Variants in MAN1A2 observed in about 807,000 individuals in gnomAD.
The protein encoded by MAN1A2 is mannosidase alpha class 1A member 2.
A neutral mutation model predicts 75.7 loss-of-function variants in MAN1A2; 26 were observed. That is an observed-to-expected ratio of 0.34 (90% CI 0.25 to 0.48). The LOEUF (loss-of-function observed/expected upper bound fraction) is 0.48. MAN1A2 is among the 20% of genes least tolerant of loss of function. MAN1A2 has a pLI of 0.99. For synonymous variants in MAN1A2, 247 were observed against 264.6 expected (o/e 0.93, Z 0.65); for missense variants, 562 against 775.5 (o/e 0.72, Z 3.27).
At chr1:117,444,224 A>G (rs1649136154) in intron 6 of MAN1A2, among the ~76,000 whole-genome samples, 1 of 152,132 alleles carries the variant, frequency 6.6e-6, no homozygotes, top group African/African-American at 2.4e-5. Context: ...TGGGATAGTT[A>G]TACTATAATT....
At chr1:117,386,710 C>T (rs983630974) in intron 1 of MAN1A2, among the ~76,000 whole-genome samples, 19 of 51,316 alleles carry the variant, frequency 3.7e-4, no homozygotes, top group African/African-American at 2.5e-3. Flanking sequence ...GGCTTTGGCT[C>T]GGCTCAGTGG....
intron 5 of MAN1A2, among the ~76,000 whole-genome samples, chr1:117,428,784 CTTTTTTTTTTT>C (rs780515731): frequency 8.2e-5 from 9 of 110,206 alleles, no homozygotes; most frequent in African/African-American, 3.2e-4. Context: ...GGAGACCTTT[CTTTTTTTTTTT>C]TTTTTTTTTT....
At chr1:117,484,551 A>G (rs961492410) in intron 8 of MAN1A2, among the ~76,000 whole-genome samples, 2 of 151,974 alleles carry the variant, frequency 1.3e-5, no homozygotes, top group African/African-American at 4.8e-5. Flanking sequence ...AATTTACTGA[A>G]GACACGGAGA....
chr1:117,452,697 G>A (rs1649461142), intron 6 of MAN1A2, among the ~76,000 whole-genome samples: 1 of 152,226 alleles, frequency 6.6e-6, no homozygotes, highest in Non-Finnish European at 1.5e-5. Context: ...TTTAAAGAAG[G>A]AAGCTGTCTC....
intron 5 of MAN1A2, among the ~76,000 whole-genome samples, chr1:117,426,386 T>G (rs1648373798): frequency 2.0e-5 from 3 of 152,174 alleles, no homozygotes. Flanking sequence ...GGTTGATATC[T>G]TTAATTATTT....
intron 1 of MAN1A2, among the ~76,000 whole-genome samples, chr1:117,385,814 ACATAAAAGT>A: frequency 6.7e-6 from 1 of 149,604 alleles, no homozygotes; most frequent in East Asian, 1.9e-4. Context: ...TTCAGAATTG[ACATAAAAGT>A]CTGAAGAACT....
intron 1 of MAN1A2, among the ~76,000 whole-genome samples, chr1:117,392,792 T>G (rs1653768316): frequency 6.6e-6 from 1 of 152,226 alleles, no homozygotes; most frequent in Non-Finnish European, 1.5e-5. Context: ...ACAGTAAGTT[T>G]GTGTTGATGG....
intron 5 of MAN1A2, among the ~76,000 whole-genome samples, chr1:117,429,731 C>G (rs1214027364): frequency 3.7e-5 from 4 of 109,210 alleles, no homozygotes; most frequent in African/African-American, 1.1e-4. Context: ...ACCTCCCTCC[C>G]GGACGGGGCG....
At chr1:117,505,403 T>G (rs1651326281) in intron 12 of MAN1A2, among the ~76,000 whole-genome samples, 1 of 151,316 alleles carries the variant, frequency 6.6e-6, no homozygotes, top group Admixed American at 6.6e-5. Context: ...TCTTGGTACT[T>G]TTCCTTGCCA....
chr1:117,429,900 A>G (rs1377540212), intron 5 of MAN1A2, among the ~76,000 whole-genome samples: 1 of 58,744 alleles, frequency 1.7e-5, no homozygotes, highest in African/African-American at 6.8e-5. Context: ...CTGGCCGGGC[A>G]GAGGGGCTCC....
chr1:117,380,111 TAG>T (rs1314564216), intron 1 of MAN1A2, among the ~76,000 whole-genome samples: 1 of 152,182 alleles, frequency 6.6e-6, no homozygotes, highest in African/African-American at 2.4e-5. Flanking sequence ...ACCAGCAATA[TAG>T]AGGTTCTAAT....
intron 12 of MAN1A2, among the ~76,000 whole-genome samples, chr1:117,503,769 C>T (rs1651270819): frequency 6.6e-6 from 1 of 151,512 alleles, no homozygotes; most frequent in South Asian, 2.1e-4. Flanking sequence ...ACAAAAATTC[C>T]TGCCTTCTGG....
Position 117,460,513 on chromosome 1 carries a change from G to A in MAN1A2, c.975G>A (p.Trp325Ter). Residue 325 changes from tryptophan to a stop codon, truncating the protein, a stop_gained, in exon 7 of 13, where the codon TGG becomes TGA. Transcript: ENST00000356554. LOFTEE classifies it high-confidence loss of function. ...LKSGVGRNWG[W>*]ASAGSSILAE... ...GTGGAGTAGGGCGAAACTGGGGCTG[G>A]GCATCTGCAGGTAGCAGCATTCTGG... 1 of 1,612,288 alleles carries A rather than the reference G, an allele frequency of 6.2e-7. No individual in the cohort carries two copies. Among genetic ancestry groups the A allele is most frequent in the Non-Finnish European group, 8.5e-7 (1 of 1,179,216 alleles).
chr1:117,458,841 A>G (rs1649716640), intron 6 of MAN1A2, among the ~76,000 whole-genome samples: 1 of 151,968 alleles, frequency 6.6e-6, no homozygotes, highest in African/African-American at 2.4e-5. Context: ...TTATATTTAT[A>G]CTTCTCCCAA....
At chr1:117,368,742 A>G (rs1342092915) in intron 1 of MAN1A2, among the ~76,000 whole-genome samples, 1 of 152,220 alleles carries the variant, frequency 6.6e-6, no homozygotes, top group Admixed American at 6.5e-5. Context: ...TAAGAAAAAC[A>G]TTTGCGTTCA....
At chr1:117,402,574 G>T in intron 2 of MAN1A2, 133 bp downstream of exon 2, 1 of 692,404 alleles carries the variant, frequency 1.4e-6, no homozygotes, top group Non-Finnish European at 2.1e-6. Flanking sequence ...TTTCCAGGTT[G>T]GTAATAAGGA....
rs1333213811 is a variant in MAN1A2, at chr1:117,429,809, C to T, written c.855+9160C>T. On this transcript the variant is annotated intron_variant, in intron 5 of 12. Coordinates refer to ENST00000356554, the MANE Select transcript of MAN1A2 (RefSeq NM_006699.5). Reference sequence around the variant, plus strand: ...CGGGGCGGCTGGCCGGGCGGGGGGCCGACACCCCCACCTCCCTCCCGGAGG... The same window carrying T: ...CGGGGCGGCTGGCCGGGCGGGGGGCTGACACCCCCACCTCCCTCCCGGAGG... Among the ~76,000 whole-genome samples, 11 of 78,484 alleles carry T rather than the reference C, an allele frequency of 1.4e-4. No homozygotes were observed. In the South Asian group the frequency reaches 2.7e-3, roughly 19 times the overall value. The allele number at this position is 78,484 out of a possible 152,430, so 51.5% of individuals were successfully genotyped here.
At chr1:117,418,516 T>C (rs907166398) in intron 4 of MAN1A2, among the ~76,000 whole-genome samples, 1 of 152,320 alleles carries the variant, frequency 6.6e-6, no homozygotes, top group African/African-American at 2.4e-5. Flanking sequence ...GCTTCTGTTA[T>C]ACTATTGCAA....
Position 117,367,945 on chromosome 1 carries a change from G to T in MAN1A2, c.-239G>T, listed in dbSNP as rs941453677. ...GCTTGTAATAATCCGATGAAGTACA[G>T]ATGTTGAAGAGGATATCGCAGGACC... On this transcript the variant is annotated 5_prime_UTR_variant, in exon 1 of 13. Transcript: ENST00000356554. The T allele has an allele frequency of 2.0e-6, 1 of 502,244 alleles. No individual in the cohort carries two copies. Among genetic ancestry groups the T allele is most frequent in the African/African-American group, 1.9e-5 (1 of 51,704 alleles). The allele number at this position is 502,244 out of a possible 1,614,324, so 31.1% of individuals were successfully genotyped here.
Sources: gnomAD v4.1 joint callset for allele counts (sites outside exome capture counted in the v4.1 genomes callset) on GRCh38, gnomAD v4.1.1 for gene constraint, MANE v1.5 for transcripts, NCBI Gene and HGNC (gene_info 2026-07-23, HGNC 2026-07-21) for gene names.